ATP11B: variants seen among roughly 807,000 people sequenced by gnomAD.
ATP11B encodes the protein ATPase phospholipid transporting 11B (putative), also known as phospholipid-transporting ATPase IF.
Under a neutral mutation model 157.8 loss-of-function variants are expected in ATP11B, and 81 were observed. The observed-to-expected ratio is 0.51, with a 90% CI of 0.43 to 0.62. The LOEUF (loss-of-function observed/expected upper bound fraction) is 0.62, where lower values mean the gene tolerates loss of function less well. Among genes scored for constraint, ATP11B ranks in the 20% least tolerant of loss-of-function variants. The pLI, the probability that ATP11B is intolerant of heterozygous loss-of-function variation, is 0.00. For missense variants in ATP11B, 1,165 were observed against 1,402.2 expected, an observed-to-expected ratio of 0.83 and a Z score of 2.70; for synonymous variants, 451 against 469.4, an observed-to-expected ratio of 0.96 and a Z score of 0.51.
intron 1 of ATP11B, among the ~76,000 whole-genome samples, chr3:182,813,627 G>A (rs1384133031): frequency 2.0e-5 from 3 of 151,950 alleles, no homozygotes; most frequent in Non-Finnish European, 4.4e-5. Context: ...ACTAGTAATG[G>A]TATATTTCAC....
chr3:182,879,647 AAAGT>A lies in ATP11B; in HGVS notation c.2406_2406+3del. The A allele has an allele frequency of 6.2e-7, 1 of 1,609,108 alleles. No homozygotes were observed. The highest frequency in any genetic ancestry group is 1.1e-5 in the South Asian group (1 of 89,968). ...TCGTATGGCTCCACTGCAGAAAGCA[AAAGT>A]ATGTATATATGTTATAAAAAAGTCC... On this transcript the variant is annotated splice_donor_variant and coding_sequence_variant, in exon 20 of 30. Coordinates refer to ENST00000323116, the MANE Select transcript of ATP11B (RefSeq NM_014616.3). LOFTEE classifies it high-confidence loss of function.
intron 8 of ATP11B, 122 bp from the exon 9 acceptor site, chr3:182,845,336 T>G: frequency 1.3e-6 from 1 of 774,032 alleles, no homozygotes; most frequent in Non-Finnish European, 2.0e-6. Flanking sequence ...GCTGGGATTT[T>G]GGTTTTATAT....
intron 29 of ATP11B, 31 bp downstream of exon 29, chr3:182,914,025 C>T (rs1451770511): frequency 6.2e-7 from 1 of 1,612,840 alleles, no homozygotes; most frequent in Admixed American, 1.7e-5. Flanking sequence ...GCCTTTGCTG[C>T]AGATGAGTAT....
At chr3:182,816,290 C>G (rs1716966421) in intron 1 of ATP11B, among the ~76,000 whole-genome samples, 1 of 152,178 alleles carries the variant, frequency 6.6e-6, no homozygotes, top group Non-Finnish European at 1.5e-5. Context: ...TAGCATTGAT[C>G]TATCTCAGGT....
rs1275763270 is a variant in ATP11B, at chr3:182,873,962, A to G, written c.2199A>G (p.Ile733Met). The G allele has an allele frequency of 5.0e-6, 8 of 1,614,016 alleles. No homozygotes were observed. The highest frequency in any genetic ancestry group is 2.2e-5 in the South Asian group (2 of 91,088). The change falls in exon 19 of 30, where the codon ATA becomes ATG. Residue 733 changes from isoleucine to methionine, a missense_variant. This residue lies in a region of ATP11B where 737 missense variants were observed against 930.5 expected (regional missense o/e 0.79). Transcript: ENST00000323116. The part of the protein sequence containing the change: ...FHRTMNILEL[I>M]NQKSDSECAE... The stretch of plus-strand genomic sequence containing the variant: ...GAACCATGAACATCCTTGAACTTAT[A>G]AACCAGAAATCAGACAGCGAGTGTG...
intron 25 of ATP11B, among the ~76,000 whole-genome samples, chr3:182,894,138 C>G (rs1286186997): frequency 6.6e-6 from 1 of 152,112 alleles, no homozygotes; most frequent in Non-Finnish European, 1.5e-5. Flanking sequence ...TGTCTGTTTA[C>G]TCTACTGATT....
chr3:182,867,537 G>GGCTAT, intron 15 of ATP11B, 93 bp downstream of exon 15: 2 of 680,186 alleles, frequency 2.9e-6, no homozygotes, highest in Non-Finnish European at 4.8e-6. Context: ...GGGCAAATGT[G>GGCTAT]GCCTATATTT....
intron 6 of ATP11B, among the ~76,000 whole-genome samples, 185 bp from the exon 7 acceptor site, chr3:182,836,886 A>G (rs888799224): frequency 3.3e-5 from 5 of 152,172 alleles, no homozygotes; most frequent in Non-Finnish European, 7.4e-5. Flanking sequence ...CTCTTTAGAC[A>G]GGTAATGATA....
intron 12 of ATP11B, 148 bp downstream of exon 12, chr3:182,859,507 A>T: frequency 1.8e-6 from 1 of 541,886 alleles, no homozygotes; most frequent in South Asian, 4.6e-5. Flanking sequence ...CAATTTTTAA[A>T]CCCTAAGTTG....
In ATP11B at chr3:182,859,307, C is replaced by T; in HGVS notation, c.1148C>T (p.Ser383Leu). 6.2e-7 allele frequency: 1 copy of T among 1,610,556 alleles called. No homozygotes were observed. Among genetic ancestry groups the T allele is most frequent in the Non-Finnish European group, 8.5e-7 (1 of 1,178,200 alleles). The change falls in exon 12 of 30, where the codon TCA (serine) becomes TTA (leucine). Residue 383 changes from serine (S) to leucine (L), a missense_variant. By Grantham distance (145) the Ser-to-Leu change is moderately radical. Coordinates refer to ENST00000323116, the MANE Select transcript of ATP11B (RefSeq NM_014616.3). ...GATCTTGATCTGTATCATGAAGAATCAGATCAGAAAGCTCAAGTCAATACT... is the reference window on the plus strand; with the variant it reads ...GATCTTGATCTGTATCATGAAGAATTAGATCAGAAAGCTCAAGTCAATACT... Reference protein sequence around the residue: ...GWDLDLYHEESDQKAQVNTSD... With the variant: ...GWDLDLYHEELDQKAQVNTSD...
chr3:182,921,484 T>TTC lies in ATP11B; in HGVS notation c.*3381_*3382insCT, dbSNP rs1725485937. On this transcript the variant is annotated 3_prime_UTR_variant, in exon 30 of 30. Coordinates refer to ENST00000323116, the MANE Select transcript of ATP11B (RefSeq NM_014616.3). ...TTGTAGCAATACTTGGTTTAAAATT[T>TTC]TGGACCTGAGACACTGTGGCTGTCT... 4 of 152,178 alleles carry TTC rather than the reference T, an allele frequency of 2.6e-5. No homozygotes were observed. Among genetic ancestry groups the TTC allele is most frequent in the Non-Finnish European group, 2.9e-5 (2 of 68,032 alleles). 9.4% of individuals were successfully genotyped at this position (152,178 alleles called of 1,614,324 possible).
At chr3:182,820,111 G>C (rs1222909079) in intron 1 of ATP11B, 149 bp from the exon 2 acceptor site, 1 of 525,014 alleles carries the variant, frequency 1.9e-6, no homozygotes, top group African/African-American at 2.0e-5. Context: ...AGGTGGCATA[G>C]CTCTTCTAAT....
intron 8 of ATP11B, 26 bp downstream of exon 8, chr3:182,842,148 T>G: frequency 6.5e-7 from 1 of 1,536,622 alleles, no homozygotes; most frequent in Non-Finnish European, 9.0e-7. Context: ...TGTTATCTAA[T>G]TACCTTTAAA....
At chr3:182,846,621 A>G (rs1207085687) in intron 9 of ATP11B, among the ~76,000 whole-genome samples, 1 of 152,258 alleles carries the variant, frequency 6.6e-6, no homozygotes, top group African/African-American at 2.4e-5. Flanking sequence ...ATATCCATAT[A>G]ATGGAATATT....
intron 7 of ATP11B, among the ~76,000 whole-genome samples, chr3:182,840,561 C>T (rs1188759758): frequency 6.6e-6 from 1 of 152,202 alleles, no homozygotes; most frequent in Non-Finnish European, 1.5e-5. Context: ...GAAAACTAAA[C>T]TGCTAATCTT....
At chr3:182,822,123 T>A (rs77101129) in intron 2 of ATP11B, among the ~76,000 whole-genome samples, 58 of 151,300 alleles carry the variant, frequency 3.8e-4, no homozygotes, top group South Asian at 1.5e-3. Context: ...TTTTTTTTTT[T>A]AAATTATTAT....
chr3:182,902,467 C>A, intron 28 of ATP11B: 1 of 1,285,018 alleles, frequency 7.8e-7, no homozygotes, highest in Non-Finnish European at 1.0e-6. Flanking sequence ...CATCCCTTTT[C>A]TGTCCACTTA....
At chr3:182,840,368 C>T (rs1195675552) in intron 7 of ATP11B, among the ~76,000 whole-genome samples, 1 of 152,136 alleles carries the variant, frequency 6.6e-6, no homozygotes, top group Non-Finnish European at 1.5e-5. Context: ...CTCTACCTTA[C>T]CTTTCGCTAT....
intron 15 of ATP11B, among the ~76,000 whole-genome samples, chr3:182,868,132 G>C (rs1012581984): frequency 3.1e-4 from 47 of 151,818 alleles, no homozygotes; most frequent in African/African-American, 1.0e-3. Flanking sequence ...TGGGTAGTGA[G>C]TTTTATAGGT....
Sources: allele counts gnomAD v4.1 joint callset (sites outside exome capture counted in the v4.1 genomes callset), GRCh38; gene constraint gnomAD v4.1.1; regional missense constraint gnomAD v4.1.1; transcripts MANE v1.5; gene names NCBI Gene and HGNC (gene_info 2026-07-23, HGNC 2026-07-21).